Variants in STAM observed in about 807,000 individuals in gnomAD.
STAM encodes the protein signal transducing adaptor molecule.
Under a neutral mutation model 63.4 loss-of-function variants are expected in STAM, and 16 were observed. That is an observed-to-expected ratio of 0.25 (90% CI 0.17 to 0.38). The LOEUF (loss-of-function observed/expected upper bound fraction) is 0.38, where lower values mean the gene tolerates loss of function less well. Among genes scored for constraint, STAM ranks in the 10% least tolerant of loss-of-function variants. The probability of loss-of-function intolerance (pLI) is 1.00; values close to 1 mark genes in which losing one functional copy is unlikely to be tolerated. For synonymous variants in STAM, 238 were observed against 223.9 expected (o/e 1.06, Z -0.56); for missense variants, 636 against 657.1 (o/e 0.97, Z 0.35).
At chr10:17,693,141 G>C in intron 5 of STAM, 81 bp from the exon 6 acceptor site, 2 of 1,225,440 alleles carry the variant, frequency 1.6e-6, no homozygotes, top group Non-Finnish European at 2.3e-6. Flanking sequence ...TGATGAGAAA[G>C]GTTTTGCAAA....
chr10:17,691,052 T>C (rs1450588764), intron 5 of STAM, among the ~76,000 whole-genome samples: 2 of 152,192 alleles, frequency 1.3e-5, no homozygotes, highest in Admixed American at 6.5e-5. Flanking sequence ...GAACAAAAAT[T>C]TATGTAAACC....
At position 17,695,173 on chromosome 10, in the gene STAM, C is replaced by T; in HGVS notation, c.660C>T (p.Asp220=). 1 of 1,614,042 alleles carries T rather than the reference C, an allele frequency of 6.2e-7. No individual in the cohort carries two copies. Among genetic ancestry groups the T allele is most frequent in the Non-Finnish European group, 8.5e-7 (1 of 1,179,984 alleles). ...GCCGAAAAGTTCGTGCTATATATGA[C>T]TTTGAAGCTGCTGAAGACAATGAAC... ...HEGRKVRAIY[D]FEAAEDNELT... is the part of the protein sequence containing the mutation. The change falls in exon 7 of 14, where the codon GAC becomes GAT. Residue 220 remains aspartate, a synonymous_variant. Transcript: ENST00000377524.
At chr10:17,673,876 A>G (rs1399907201) in intron 2 of STAM, among the ~76,000 whole-genome samples, 1 of 152,202 alleles carries the variant, frequency 6.6e-6, no homozygotes, top group African/African-American at 2.4e-5. Context: ...AGTTTGCAGG[A>G]GGAATACCTA....
intron 1 of STAM, among the ~76,000 whole-genome samples, chr10:17,654,902 T>G (rs1215624672): frequency 6.6e-6 from 1 of 152,232 alleles, no homozygotes; most frequent in Admixed American, 6.5e-5. Context: ...GTTGTTCTCT[T>G]ATTATTCCAA....
intron 2 of STAM, among the ~76,000 whole-genome samples, chr10:17,661,606 CTT>C (rs1243228770): frequency 1.3e-5 from 2 of 152,170 alleles, no homozygotes; most frequent in Admixed American, 6.5e-5. Flanking sequence ...ACTCCTGTCT[CTT>C]TTTGTTTTAA....
Position 17,699,108 on chromosome 10 carries a change from A to G in STAM, c.824-1083A>G, listed in dbSNP as rs183362859. Among the ~76,000 whole-genome samples the G allele has an allele frequency of 3.3e-5, 5 of 152,354 alleles. No homozygotes were observed. In the East Asian group the frequency reaches 9.6e-4, roughly 29 times the overall value. On this transcript the variant is annotated intron_variant, in intron 8 of 13. Transcript: ENST00000377524. ...AAATCACTGGCACAGGCCAGATTTC[A>G]GTAGTATGGGCTAGTAGAGCAAGAT...
chr10:17,664,630 T>C (rs1834304640), intron 2 of STAM, among the ~76,000 whole-genome samples: 5 of 152,176 alleles, frequency 3.3e-5, no homozygotes, highest in African/African-American at 9.7e-5. Flanking sequence ...TGATGTGCTT[T>C]AGAGAAGACT....
At chr10:17,671,700 A>G (rs1042938320) in intron 2 of STAM, among the ~76,000 whole-genome samples, 2 of 152,224 alleles carry the variant, frequency 1.3e-5, no homozygotes, top group African/African-American at 4.8e-5. Flanking sequence ...ATTAGAGGTT[A>G]ACCATGCAAA....
Position 17,715,004 on chromosome 10 carries a change from A to G in STAM, c.*224A>G, listed in dbSNP as rs1009772081. ...GGAATGAAACTACTTACAACATTTAATTCCTTTCATAATATGAAAGAATTG... is the reference window on the plus strand; with the variant it reads ...GGAATGAAACTACTTACAACATTTAGTTCCTTTCATAATATGAAAGAATTG... On this transcript the variant is annotated 3_prime_UTR_variant, in exon 14 of 14. Transcript: ENST00000377524. 15 of 530,552 alleles carry G rather than the reference A, an allele frequency of 2.8e-5. No individual in the cohort carries two copies. Among genetic ancestry groups the G allele is most frequent in the Non-Finnish European group, 4.4e-5 (13 of 293,752 alleles). The allele number at this position is 530,552 out of a possible 1,614,324, so 32.9% of individuals were successfully genotyped here. A position where few individuals can be genotyped will look rare whatever the true frequency, so the allele number is the denominator to read the frequency against.
rs191594324 is a variant in STAM at position 17,686,746 on chromosome 10, G to A, written c.298-1281G>A. Among the ~76,000 whole-genome samples the A allele has an allele frequency of 4.8e-3, 724 of 152,280 alleles. 5 individuals carry two copies. The highest frequency in any genetic ancestry group is 0.014 in the Middle Eastern group (4 of 294). On this transcript the variant is annotated intron_variant, in intron 4 of 13. Transcript: ENST00000377524. The stretch of plus-strand genomic sequence containing the variant: ...AGTTCATGTATAGTCTCAATAAAGC[G>A]TTTGCAAATCCATTATATGCTCCTT...
intron 2 of STAM, among the ~76,000 whole-genome samples, chr10:17,668,224 T>G (rs547760372): frequency 6.6e-6 from 1 of 152,228 alleles, no homozygotes; most frequent in African/African-American, 2.4e-5. Flanking sequence ...TTAAATAAAC[T>G]GCAACATGAG....
At chr10:17,649,539 T>G (rs1478388549) in intron 1 of STAM, among the ~76,000 whole-genome samples, 3 of 152,204 alleles carry the variant, frequency 2.0e-5, no homozygotes, top group African/African-American at 7.2e-5. Flanking sequence ...TCCATTAAGA[T>G]GAGAACTTTT....
intron 1 of STAM, among the ~76,000 whole-genome samples, chr10:17,658,252 T>G (rs1160128630): frequency 6.6e-6 from 1 of 152,204 alleles, no homozygotes; most frequent in African/African-American, 2.4e-5. Flanking sequence ...TTTGGGATTT[T>G]CCAGCTATCT....
At chr10:17,671,381 C>G (rs552772454) in intron 2 of STAM, among the ~76,000 whole-genome samples, 1 of 152,350 alleles carries the variant, frequency 6.6e-6, no homozygotes, top group South Asian at 2.1e-4. Flanking sequence ...TTGAGAGTCT[C>G]TAAATCCCTG....
intron 2 of STAM, among the ~76,000 whole-genome samples, chr10:17,667,411 C>G (rs187840950): frequency 7.9e-5 from 12 of 152,280 alleles, no homozygotes; most frequent in Non-Finnish European, 1.5e-5. Context: ...CGTGAGCCAC[C>G]GCATCCAGCC....
intron 4 of STAM, among the ~76,000 whole-genome samples, chr10:17,685,135 G>A (rs368157299): frequency 6.6e-6 from 1 of 152,112 alleles, no homozygotes; most frequent in Admixed American, 6.6e-5. Context: ...CCATATTAGA[G>A]TGTTTTTAAC....
At chr10:17,663,837 T>C (rs1834271173) in intron 2 of STAM, among the ~76,000 whole-genome samples, 1 of 152,088 alleles carries the variant, frequency 6.6e-6, no homozygotes, top group Non-Finnish European at 1.5e-5. Context: ...AACATACATC[T>C]CCAGTTGTGT....
At chr10:17,670,880 T>A (rs1834612709) in intron 2 of STAM, among the ~76,000 whole-genome samples, 1 of 152,186 alleles carries the variant, frequency 6.6e-6, no homozygotes, top group Non-Finnish European at 1.5e-5. Flanking sequence ...TTATGTTTTA[T>A]GTAATGTATG....
At chr10:17,687,213 G>A (rs1238236171) in intron 4 of STAM, among the ~76,000 whole-genome samples, 5 of 152,164 alleles carry the variant, frequency 3.3e-5, no homozygotes, top group African/African-American at 1.2e-4. Flanking sequence ...GGTGGCTCAT[G>A]CCTGTAATCG....
Sources: gnomAD v4.1 joint callset for allele counts (sites outside exome capture counted in the v4.1 genomes callset) on GRCh38, gnomAD v4.1.1 for gene constraint, MANE v1.5 for transcripts, NCBI Gene and HGNC (gene_info 2026-07-23, HGNC 2026-07-21) for gene names.